Variants in FKBP5 observed in about 807,000 individuals in gnomAD.
FKBP5 encodes the protein FKBP prolyl isomerase 5.
In FKBP5, 23 loss-of-function variants were observed where a neutral mutation model predicts 50.5. That is an observed-to-expected ratio of 0.46 (90% CI 0.33 to 0.65). The LOEUF (loss-of-function observed/expected upper bound fraction) is 0.65, where lower values mean the gene tolerates loss of function less well. FKBP5 is among the 30% of genes least tolerant of loss of function. The pLI is 0.02. For synonymous variants in FKBP5, 176 were observed against 190.6 expected (o/e 0.92, Z 0.63); for missense variants, 411 against 553.1 (o/e 0.74, Z 2.58).
At chr6:35,589,128 A>ATATATATATATT (rs1427010607) in intron 7 of FKBP5, among the ~76,000 whole-genome samples, 2 of 121,562 alleles carry the variant, frequency 1.6e-5, no homozygotes, top group Admixed American at 8.7e-5. Context: ...ATATATATAT[A>ATATATATATATT]TTTTTTTTTT....
chr6:35,607,633 T>C (rs1446511299), intron 5 of FKBP5: 1 of 153,642 alleles, frequency 6.5e-6, no homozygotes, highest in Non-Finnish European at 1.5e-5. Flanking sequence ...CGGCCATGGC[T>C]CTGTGCTGCC....
intron 1 of FKBP5, among the ~76,000 whole-genome samples, chr6:35,675,263 C>G (rs1329423328): frequency 6.6e-6 from 1 of 152,258 alleles, no homozygotes; most frequent in Non-Finnish European, 1.5e-5. Flanking sequence ...ATACCATACT[C>G]TAGGCTGGGT....
intron 1 of FKBP5, among the ~76,000 whole-genome samples, chr6:35,660,690 AG>A (rs1435562333): frequency 1.2e-5 from 1 of 83,652 alleles, no homozygotes; most frequent in Non-Finnish European, 2.7e-5. Flanking sequence ...AATGTCAATT[AG>A]GTTAGTTGAC....
At chr6:35,589,950 A>G (rs1474192086) in intron 7 of FKBP5, among the ~76,000 whole-genome samples, 2 of 152,146 alleles carry the variant, frequency 1.3e-5, no homozygotes, top group African/African-American at 4.8e-5. Flanking sequence ...CAGGACAATG[A>G]TTTCTTTTCT....
intron 5 of FKBP5, among the ~76,000 whole-genome samples, chr6:35,606,659 CAAAAAAAAAAAAAAAAA>C (rs61139697): frequency 4.9e-3 from 123 of 25,132 alleles, no homozygotes; most frequent in African/African-American, 0.017. Flanking sequence ...GACTCCGTCT[CAAAAAAAAAAAAAAAAA>C]AAAAAAAAAA....
intron 2 of FKBP5, among the ~76,000 whole-genome samples, chr6:35,700,289 T>A (rs906841070): frequency 6.6e-6 from 1 of 152,106 alleles, no homozygotes; most frequent in African/African-American, 2.4e-5. Context: ...GCCTCCCAAG[T>A]AGCTGGGACT....
rs1561882778 is a variant in FKBP5, at chr6:35,662,517, C to CAAGCGAT, written c.-19-19681_-19-19675dup. ...CAGGCTGTTCTTGAACTCCTGGGCT[C>CAAGCGAT]AAGCGATCCTGCCACCTCAGCCTCC... is the stretch of plus-strand genomic sequence containing the variant. On this transcript the variant is annotated intron_variant, in intron 1 of 10. Coordinates refer to ENST00000357266, the MANE Select transcript of FKBP5 (RefSeq NM_004117.4). 2.6e-5 allele frequency among the ~76,000 whole-genome samples: 4 copies of CAAGCGAT among 151,598 alleles called. 1 individual carries two copies. The South Asian group carries it at 8.3e-4, about 32-fold the overall frequency.
chr6:35,663,191 T>C (rs1486767379), intron 1 of FKBP5, among the ~76,000 whole-genome samples: 1 of 152,084 alleles, frequency 6.6e-6, no homozygotes, highest in Non-Finnish European at 1.5e-5. Flanking sequence ...CCATGTGAGC[T>C]GAGGGGGAGG....
chr6:35,653,416 A>T (rs1340364830), intron 1 of FKBP5, among the ~76,000 whole-genome samples: 3 of 152,160 alleles, frequency 2.0e-5, no homozygotes. Flanking sequence ...GATATGAGGG[A>T]AGTCCTCAGC....
intron 2 of FKBP5, among the ~76,000 whole-genome samples, chr6:35,704,709 AT>A (rs34727090): frequency 0.54 from 81,057 of 150,212 alleles, 21,954 homozygotes; most frequent in East Asian, 0.67. Context: ...TGACAATATG[AT>A]TTTTTTTTTT....
chr6:35,617,022 GC>G lies in FKBP5; in HGVS notation c.508+2073del, dbSNP rs555762388. ...CTCACTGCATAGGAAGGAAGCTAAC[GC>G]CCAGAGGTGAAGTCTAGTTGAAGCC... is the stretch of plus-strand genomic sequence containing the variant. On this transcript the variant is annotated intron_variant, in intron 5 of 10. Coordinates refer to ENST00000357266, the MANE Select transcript of FKBP5 (RefSeq NM_004117.4). 1.3e-4 allele frequency among the ~76,000 whole-genome samples: 19 copies of G among 151,774 alleles called. 1 individual carries two copies. The South Asian group carries it at 3.9e-3, about 32-fold the overall frequency.
upstream of FKBP5, among the ~76,000 whole-genome samples, chr6:35,691,894 G>A (rs937567956): frequency 6.6e-5 from 10 of 152,134 alleles, no homozygotes; most frequent in Non-Finnish European, 1.2e-4. Context: ...ACAGGGCCGT[G>A]TACTTAGAAG....
At chr6:35,586,710 A>G (rs1168072966) in intron 8 of FKBP5, 3 of 1,161,094 alleles carry the variant, frequency 2.6e-6, no homozygotes, top group Admixed American at 4.2e-5. Flanking sequence ...TTCCAAAAAC[A>G]CTTGTTGAGT....
At chr6:35,585,398 C>CA in intron 8 of FKBP5, 1 of 983,388 alleles carries the variant, frequency 1.0e-6, no homozygotes, top group Non-Finnish European at 1.2e-6. Flanking sequence ...AAAACAAAAC[C>CA]AAAAAAATAA....
At chr6:35,665,763 A>G (rs548975056) in intron 1 of FKBP5, among the ~76,000 whole-genome samples, 4 of 152,250 alleles carry the variant, frequency 2.6e-5, no homozygotes, top group Admixed American at 6.5e-5. Flanking sequence ...ACAGTCCCCA[A>G]CTTATGGTTT....
chr6:35,595,063 C>T (rs895269026), intron 6 of FKBP5, among the ~76,000 whole-genome samples: 7 of 152,104 alleles, frequency 4.6e-5, no homozygotes, highest in African/African-American at 1.7e-4. Context: ...ATTTAGCTCT[C>T]CATAACTTTA....
At chr6:35,679,780 G>A (rs1486409955) in intron 1 of FKBP5, among the ~76,000 whole-genome samples, 1 of 152,022 alleles carries the variant, frequency 6.6e-6, no homozygotes, top group African/African-American at 2.4e-5. Flanking sequence ...AAGAGGGCAG[G>A]GGAAAGGAAT....
intron 2 of FKBP5, among the ~76,000 whole-genome samples, chr6:35,711,555 C>A (rs1766413367): frequency 6.6e-6 from 1 of 151,774 alleles, no homozygotes; most frequent in African/African-American, 2.4e-5. Flanking sequence ...GAGGTGAAGG[C>A]TACAGTGAGC....
intron 5 of FKBP5, among the ~76,000 whole-genome samples, chr6:35,617,225 C>T (rs1283691586): frequency 6.6e-6 from 1 of 152,096 alleles, no homozygotes; most frequent in Non-Finnish European, 1.5e-5. Flanking sequence ...AACTGATTTG[C>T]CAGACTCGTA....
Sources: allele counts gnomAD v4.1 joint callset (sites outside exome capture counted in the v4.1 genomes callset), GRCh38; gene constraint gnomAD v4.1.1; transcripts MANE v1.5; gene names NCBI Gene and HGNC (gene_info 2026-07-23, HGNC 2026-07-21).